Variants in PSMC1 observed in about 807,000 individuals in gnomAD.
PSMC1 encodes the protein 26S proteasome regulatory subunit 4.
PSMC1 carries 5 observed loss-of-function variants against 49.8 expected under a neutral mutation model. That is an observed-to-expected ratio of 0.10 (90% CI 0.05 to 0.21). The LOEUF is 0.21. Ranked by LOEUF, PSMC1 falls within the 10% of genes least tolerant of loss-of-function variation. PSMC1 has a pLI of 1.00. For synonymous variants in PSMC1, 155 were observed against 192.1 expected (o/e 0.81, Z 1.60); for missense variants, 181 against 535.7 (o/e 0.34, Z 6.54).
chr14:90,268,690 C>T (rs537109032), intron 8 of PSMC1: 86 of 327,514 alleles, frequency 2.6e-4, no homozygotes, highest in Non-Finnish European at 2.0e-4. Context: ...GTTGTGAGCA[C>T]AAGTCTCTGC....
intron 3 of PSMC1, 139 bp downstream of exon 3, chr14:90,260,350 A>G (rs1164015507): frequency 4.7e-6 from 3 of 638,936 alleles, no homozygotes; most frequent in Non-Finnish European, 8.2e-6. Context: ...TTTCTACCTC[A>G]CTCTTGAGTG....
Position 90,256,553 on chromosome 14 carries a change from G to A in PSMC1, c.-45G>A, listed in dbSNP as rs1164000656. ...ACTTCCGCCTCTGGCGGGCCGCAGT[G>A]GTGGAGGAACTTCCGGCAGCGGCAG... On this transcript the variant is annotated 5_prime_UTR_variant, in exon 1 of 11. Transcript: ENST00000261303. The A allele has an allele frequency of 1.3e-6, 2 of 1,575,134 alleles. No homozygotes were observed. Among genetic ancestry groups the A allele is most frequent in the Admixed American group, 3.7e-5 (2 of 54,026 alleles).
At chr14:90,271,149 A>G (rs1043631382) in intron 10 of PSMC1, 2 of 152,192 alleles carry the variant, frequency 1.3e-5, no homozygotes, top group Non-Finnish European at 2.9e-5. Flanking sequence ...TTAACATTTT[A>G]CCTGTTTGCT....
intron 1 of PSMC1, among the ~76,000 whole-genome samples, chr14:90,257,053 C>T (rs1391403097): frequency 6.6e-6 from 1 of 152,098 alleles, no homozygotes; most frequent in African/African-American, 2.4e-5. Context: ...TCGTGGAAGG[C>T]CTTTCGGAGC....
chr14:90,264,975 CTTAT>C, intron 6 of PSMC1, 91 bp from the exon 7 acceptor site: 1 of 912,204 alleles, frequency 1.1e-6, no homozygotes, highest in Non-Finnish European at 1.7e-6. Context: ...GAGATTTTTA[CTTAT>C]TTTTGTTGAA....
intron 1 of PSMC1, 73 bp from the exon 2 acceptor site, chr14:90,259,087 G>A: frequency 6.9e-7 from 1 of 1,446,062 alleles, no homozygotes; most frequent in Admixed American, 1.8e-5. Flanking sequence ...TAGACTCACA[G>A]GACAGTATAA....
At chr14:90,264,940 C>A in intron 6 of PSMC1, 130 bp from the exon 7 acceptor site, 1 of 721,584 alleles carries the variant, frequency 1.4e-6, no homozygotes, top group Non-Finnish European at 2.4e-6. Flanking sequence ...AGAAATCAAG[C>A]ACATTGTCTC....
intron 1 of PSMC1, among the ~76,000 whole-genome samples, chr14:90,258,269 G>C (rs1469441582): frequency 6.6e-6 from 1 of 152,208 alleles, no homozygotes; most frequent in Non-Finnish European, 1.5e-5. Context: ...ATAATACTTG[G>C]AGAATGTTTA....
At position 90,260,873 on chromosome 14, in the gene PSMC1, G is replaced by C. The variant is rs1348566197; in HGVS notation, c.154+662G>C. Among the ~76,000 whole-genome samples, 3 of 152,364 alleles carry C rather than the reference G, an allele frequency of 2.0e-5. No individual in the cohort carries two copies. The South Asian group carries it at 6.2e-4, about 32-fold the overall frequency. The stretch of plus-strand genomic sequence containing the variant: ...CCACTGCACTGTAGCCTGGATGACA[G>C]AGCAAGACTCTGTCTCAAAATAAAT... On this transcript the variant is annotated intron_variant, in intron 3 of 10. Coordinates refer to ENST00000261303, the MANE Select transcript of PSMC1 (RefSeq NM_002802.3).
intron 1 of PSMC1, among the ~76,000 whole-genome samples, chr14:90,258,200 C>T (rs1465173981): frequency 2.0e-5 from 3 of 152,156 alleles, no homozygotes; most frequent in Non-Finnish European, 4.4e-5. Flanking sequence ...GTCTTCTTAT[C>T]TGCAAATGAG....
chr14:90,265,951 G>A (rs1891502258), intron 7 of PSMC1, among the ~76,000 whole-genome samples: 1 of 152,114 alleles, frequency 6.6e-6, no homozygotes, highest in Admixed American at 6.5e-5. Flanking sequence ...CCATAGTGGA[G>A]AAGTGCTACT....
At chr14:90,270,407 A>G (rs548934829) in intron 10 of PSMC1, 55 bp downstream of exon 10, 2 of 1,572,794 alleles carry the variant, frequency 1.3e-6, no homozygotes, top group East Asian at 2.3e-5. Flanking sequence ...CAATCAGGAA[A>G]GAGTCTATAT....
chr14:90,269,823 G>T, intron 9 of PSMC1: 1 of 401,084 alleles, frequency 2.5e-6, no homozygotes, highest in East Asian at 4.2e-5. Flanking sequence ...GCTTTTTCTG[G>T]AAGAAATAAT....
At chr14:90,265,688 CA>C (rs35151204) in intron 7 of PSMC1, among the ~76,000 whole-genome samples, 54,214 of 93,954 alleles carry the variant, frequency 0.58, 14,415 homozygotes, top group Middle Eastern at 0.7. Context: ...GACTACATCT[CA>C]AAAAAAAAAA....
intron 1 of PSMC1, among the ~76,000 whole-genome samples, chr14:90,257,586 A>G (rs1280556298): frequency 6.6e-6 from 1 of 152,168 alleles, no homozygotes; most frequent in Non-Finnish European, 1.5e-5. Flanking sequence ...GCCAGATCTC[A>G]TAGAGGTCTT....
intron 7 of PSMC1, chr14:90,267,463 C>G (rs1487867963): frequency 1.3e-5 from 2 of 152,234 alleles, no homozygotes; most frequent in African/African-American, 2.4e-5. Flanking sequence ...CCAGCTGACT[C>G]TTGTTTTTAA....
At chr14:90,257,662 G>A (rs1407841322) in intron 1 of PSMC1, among the ~76,000 whole-genome samples, 2 of 152,116 alleles carry the variant, frequency 1.3e-5, no homozygotes, top group Admixed American at 6.5e-5. Context: ...AGGCTGGAGT[G>A]CAGTGGCGCG....
rs1432036162 is a variant in PSMC1 at position 90,275,393 on chromosome 14, T to C, written c.*2986T>C. 3 of 152,126 alleles carry C rather than the reference T, an allele frequency of 2.0e-5. No homozygotes were observed. Among genetic ancestry groups the C allele is most frequent in the Non-Finnish European group, 4.4e-5 (3 of 68,030 alleles). 9.4% of individuals were successfully genotyped at this position (152,126 alleles called of 1,614,324 possible). Reference sequence around the variant, plus strand: ...ATTCTTTGTAACGCACTTGCATCTTTTCCTAAGTTTGAGATTAAAAAAAAC... The same window carrying C: ...ATTCTTTGTAACGCACTTGCATCTTCTCCTAAGTTTGAGATTAAAAAAAAC... On this transcript the variant is annotated 3_prime_UTR_variant, in exon 11 of 11. Transcript: ENST00000261303.
chr14:90,263,578 G>T, intron 4 of PSMC1, 84 bp from the exon 5 acceptor site: 1 of 1,512,476 alleles, frequency 6.6e-7, no homozygotes, highest in Non-Finnish European at 9.1e-7. Context: ...ACAAGCATCG[G>T]CTGCTTTGTA....
Sources: gnomAD v4.1 joint callset for allele counts (sites outside exome capture counted in the v4.1 genomes callset) on GRCh38, gnomAD v4.1.1 for gene constraint, MANE v1.5 for transcripts, NCBI Gene and HGNC (gene_info 2026-07-23, HGNC 2026-07-21) for gene names.